The following AKAP13 variants were observed in gnomAD, a reference collection of about 807,000 sequenced individuals.
The protein encoded by AKAP13 is A-kinase anchor protein 13.
In AKAP13, 80 loss-of-function variants were observed where a neutral mutation model predicts 264.5. The observed-to-expected ratio is 0.30, with a 90% CI of 0.25 to 0.36. The LOEUF (loss-of-function observed/expected upper bound fraction) is 0.36. Among genes scored for constraint, AKAP13 ranks in the 10% least tolerant of loss-of-function variants. AKAP13 has a pLI of 1.00. For synonymous variants in AKAP13, 1,380 were observed against 1,250.2 expected, an observed-to-expected ratio of 1.10 and a Z score of -2.19; for missense variants, 3,712 against 3,435.2, an observed-to-expected ratio of 1.08 and a Z score of -2.01.
At chr15:85,499,146 G>A (rs933296727) in intron 2 of AKAP13, among the ~76,000 whole-genome samples, 1 of 152,044 alleles carries the variant, frequency 6.6e-6, no homozygotes, top group African/African-American at 2.4e-5. Flanking sequence ...TTTTTTAAAG[G>A]CTAGCTTCCT....
At chr15:85,668,155 T>G (rs2083708657) in intron 13 of AKAP13, among the ~76,000 whole-genome samples, 1 of 152,216 alleles carries the variant, frequency 6.6e-6, no homozygotes, top group South Asian at 2.1e-4. Context: ...TTTTTAGACC[T>G]CACAGTTGTA....
At position 85,682,155 on chromosome 15, in the gene AKAP13, T is replaced by C. The variant is rs1204995880; in HGVS notation, c.5102-3T>C. The C allele has an allele frequency of 2.4e-5, 38 of 1,613,358 alleles. No homozygotes were observed. Among genetic ancestry groups the C allele is most frequent in the Non-Finnish European group, 3.1e-5 (37 of 1,179,920 alleles). ...CTAACTTTTTTTCTGCCTTGTTTTCTAGATTCACGGCCCTTCCACAGTACC... is the reference window on the plus strand; with the variant it reads ...CTAACTTTTTTTCTGCCTTGTTTTCCAGATTCACGGCCCTTCCACAGTACC... On this transcript the variant is annotated splice_region_variant and splice_polypyrimidine_tract_variant and intron_variant, in intron 14 of 36. Coordinates refer to ENST00000394518, the MANE Select transcript of AKAP13 (RefSeq NM_007200.5).
At chr15:85,449,468 A>C (rs1283635936) in intron 1 of AKAP13, among the ~76,000 whole-genome samples, 1 of 152,094 alleles carries the variant, frequency 6.6e-6, no homozygotes, top group East Asian at 1.9e-4. Context: ...TACTATGTTG[A>C]ATAGAAGTGG....
intron 1 of AKAP13, among the ~76,000 whole-genome samples, chr15:85,430,579 T>C (rs1471181347): frequency 1.3e-5 from 2 of 152,178 alleles, no homozygotes; most frequent in Non-Finnish European, 2.9e-5. Context: ...AGCTAAGCTG[T>C]CTTGAAGTTT....
At chr15:85,737,050 C>G (rs2088586955) in intron 33 of AKAP13, among the ~76,000 whole-genome samples, 2 of 151,302 alleles carry the variant, frequency 1.3e-5, no homozygotes, top group South Asian at 4.2e-4. Context: ...TCCCGAGTAG[C>G]TGGAATTATA....
At chr15:85,428,211 T>C (rs1342861555) in intron 1 of AKAP13, among the ~76,000 whole-genome samples, 1 of 152,206 alleles carries the variant, frequency 6.6e-6, no homozygotes, top group Non-Finnish European at 1.5e-5. Flanking sequence ...TATTGACTGA[T>C]TGATTGAGAC....
intron 1 of AKAP13, among the ~76,000 whole-genome samples, chr15:85,470,222 G>T (rs1237755045): frequency 2.0e-5 from 3 of 152,210 alleles, no homozygotes; most frequent in Non-Finnish European, 4.4e-5. Flanking sequence ...CCAGAAGGCG[G>T]AGGTTGTAGT....
At position 85,657,208 on chromosome 15, in the gene AKAP13, T is replaced by A. The variant is rs2083139316; in HGVS notation, c.4746-1329T>A. On this transcript the variant is annotated intron_variant, in intron 11 of 36. Coordinates refer to ENST00000394518, the MANE Select transcript of AKAP13 (RefSeq NM_007200.5). ...GTAAACAGCTCAGCAATAGCAATTA[T>A]TTGCTCAAATTTCTCAACCTCCTGA... 2.0e-5 allele frequency among the ~76,000 whole-genome samples: 3 copies of A among 152,170 alleles called. 1 individual carries two copies. In the South Asian group the frequency reaches 6.2e-4, roughly 32 times the overall value.
chr15:85,576,732 G>C (rs1418920605), intron 6 of AKAP13, among the ~76,000 whole-genome samples: 1 of 152,180 alleles, frequency 6.6e-6, no homozygotes, highest in African/African-American at 2.4e-5. Context: ...TTAGAATTGT[G>C]TTTGTTCCAG....
chr15:85,403,192 AATAG>A (rs530166252), intron 1 of AKAP13, among the ~76,000 whole-genome samples: 46 of 152,358 alleles, frequency 3.0e-4, no homozygotes, highest in Non-Finnish European at 5.6e-4. Flanking sequence ...CTAAAAGAAT[AATAG>A]ATATGAAAAA....
At position 85,655,591 on chromosome 15, in the gene AKAP13, G is replaced by A. The variant is rs1305133000; in HGVS notation, c.4549G>A (p.Gly1517Arg). The change falls in exon 11 of 37, where the codon GGA (glycine) becomes AGA (arginine). Residue 1517 changes from glycine to arginine, a missense_variant. Around this residue, in one of 3 missense-constraint regions of AKAP13, gnomAD observed 2,759 missense variants for 2,411.7 expected, o/e 1.14. Transcript: ENST00000394518. Reference sequence around the variant, plus strand: ...TGATGGATTCTACAGCCATGGGATGGGAGCTGAGGGTCGAGAAAGTGAGAG... The same window carrying A: ...TGATGGATTCTACAGCCATGGGATGAGAGCTGAGGGTCGAGAAAGTGAGAG... Reference protein sequence around the residue: ...SLDGFYSHGMGAEGRESESEP... With the variant: ...SLDGFYSHGMRAEGRESESEP... 1.9e-6 allele frequency: 3 copies of A among 1,614,116 alleles called. No homozygotes were observed. The highest frequency in any genetic ancestry group is 2.7e-5 in the African/African-American group (2 of 74,926).
rs543215127 is a variant in AKAP13, at chr15:85,445,008, G to T, written c.-11-40702G>T. 4.3e-4 allele frequency among the ~76,000 whole-genome samples: 66 copies of T among 152,230 alleles called. No homozygotes were observed. In the South Asian group the frequency reaches 0.014, roughly 32 times the overall value. ...TTTCCATTTACTGTATTCTCTTAAA[G>T]TATATAATACTTTAAATGAACTGTT... is the stretch of plus-strand genomic sequence containing the variant. On this transcript the variant is annotated intron_variant, in intron 1 of 36. Coordinates refer to ENST00000394518, the MANE Select transcript of AKAP13 (RefSeq NM_007200.5).
intron 5 of AKAP13, among the ~76,000 whole-genome samples, chr15:85,554,950 G>A (rs755922099): frequency 1.3e-4 from 20 of 152,124 alleles, no homozygotes; most frequent in Admixed American, 3.3e-4. Flanking sequence ...GACAGTAGTT[G>A]CTTCAAGGAT....
At chr15:85,681,970 CT>C (rs2084627227) in intron 14 of AKAP13, among the ~76,000 whole-genome samples, 187 bp from the exon 15 acceptor site, 2 of 152,154 alleles carry the variant, frequency 1.3e-5, no homozygotes, top group African/African-American at 4.8e-5. Flanking sequence ...CTACCTACTT[CT>C]GGTTCTAATT....
intron 17 of AKAP13, among the ~76,000 whole-genome samples, chr15:85,704,291 T>C (rs2052356): frequency 0.017 from 2,607 of 152,368 alleles, 84 homozygotes; most frequent in African/African-American, 0.06. Context: ...TCCTTTGATA[T>C]TCTGTCATTT....
chr15:85,582,970 C>T (rs1334851442), intron 7 of AKAP13: 7 of 985,306 alleles, frequency 7.1e-6, no homozygotes, highest in Non-Finnish European at 8.4e-6. Flanking sequence ...AGAGAAACCG[C>T]TATTGCTCCG....
intron 32 of AKAP13, 29 bp downstream of exon 32, chr15:85,735,659 C>T: frequency 6.3e-7 from 1 of 1,582,244 alleles, no homozygotes; most frequent in Non-Finnish European, 8.6e-7. Flanking sequence ...CACCATGAAC[C>T]TCCTTGGCAC....
At chr15:85,567,361 C>T (rs1342381427) in intron 5 of AKAP13, among the ~76,000 whole-genome samples, 1 of 152,190 alleles carries the variant, frequency 6.6e-6, no homozygotes, top group Non-Finnish European at 1.5e-5. Context: ...CCACCTCGGC[C>T]TCCCAAAGTG....
intron 3 of AKAP13, among the ~76,000 whole-genome samples, chr15:85,524,903 C>G (rs3056510): frequency 6.1e-4 from 69 of 112,890 alleles, no homozygotes; most frequent in South Asian, 1.7e-3. Context: ...GTGTGTGTGT[C>G]TGTGTGTAAT....
Sources: allele counts gnomAD v4.1 joint callset (sites outside exome capture counted in the v4.1 genomes callset), GRCh38; gene constraint gnomAD v4.1.1; regional missense constraint gnomAD v4.1.1; transcripts MANE v1.5; gene names NCBI Gene and HGNC (gene_info 2026-07-23, HGNC 2026-07-21).